LRBA: variants seen among roughly 807,000 people sequenced by gnomAD.
LRBA encodes the protein LPS responsive beige-like anchor protein, also known as lipopolysaccharide-responsive and beige-like anchor protein.
In LRBA, 176 loss-of-function variants were observed where a neutral mutation model predicts 330.0. That is an observed-to-expected ratio of 0.53 (90% CI 0.47 to 0.60). The LOEUF (loss-of-function observed/expected upper bound fraction) is 0.60. Among genes scored for constraint, LRBA ranks in the 20% least tolerant of loss-of-function variants. The pLI is 0.00. For synonymous variants in LRBA, 1,230 were observed against 1,193.0 expected (o/e 1.03, Z -0.64); for missense variants, 3,259 against 3,444.8 (o/e 0.95, Z 1.35).
intron 2 of LRBA, chr4:151,014,062 A>G: frequency 5.9e-6 from 1 of 169,228 alleles, no homozygotes; most frequent in Non-Finnish European, 1.3e-5. Context: ...GTCCAAAAAA[A>G]GGTCACAAGA....
intron 42 of LRBA, among the ~76,000 whole-genome samples, chr4:150,477,842 C>G (rs766712191): frequency 1.1e-4 from 17 of 152,032 alleles, no homozygotes; most frequent in Non-Finnish European, 2.4e-4. Context: ...TGTAAGTTTC[C>G]TGAAGCCTCT....
chr4:150,465,663 T>A (rs1472276024), intron 44 of LRBA, among the ~76,000 whole-genome samples: 1 of 152,174 alleles, frequency 6.6e-6, no homozygotes, highest in Admixed American at 6.6e-5. Context: ...TTTGGAGAAA[T>A]GTCTATCAGG....
intron 34 of LRBA, among the ~76,000 whole-genome samples, chr4:150,791,390 T>C (rs953162115): frequency 6.6e-6 from 1 of 152,238 alleles, no homozygotes; most frequent in Admixed American, 6.5e-5. Context: ...TTTAAAATTA[T>C]TATCTTATAT....
chr4:150,598,182 T>G (rs535253476), intron 38 of LRBA, among the ~76,000 whole-genome samples: 2 of 152,276 alleles, frequency 1.3e-5, no homozygotes, highest in African/African-American at 4.8e-5. Context: ...TTAAAAGTAC[T>G]TCTGACTTTA....
rs751444268 is a variant in LRBA at position 150,291,208 on chromosome 4, CA to C, written c.8018-5175del. On this transcript the variant is annotated intron_variant, in intron 53 of 56. Transcript: ENST00000651943. ...CACCAAAAGCAGTGGCAACAAAAGACAAAATTGACAAATGGGATCTAATTAA... is the reference window on the plus strand; with the variant it reads ...CACCAAAAGCAGTGGCAACAAAAGACAAATTGACAAATGGGATCTAATTAA... Among the ~76,000 whole-genome samples, 291 of 147,970 alleles carry C rather than the reference CA, an allele frequency of 2.0e-3. 1 individual carries two copies. Among genetic ancestry groups the C allele is most frequent in the Non-Finnish European group, 3.4e-3 (228 of 67,240 alleles).
At chr4:150,868,633 A>G (rs2126992298) in intron 20 of LRBA, among the ~76,000 whole-genome samples, 1 of 152,266 alleles carries the variant, frequency 6.6e-6, no homozygotes, top group Admixed American at 6.5e-5. Flanking sequence ...ACCAAATAGT[A>G]AAGTTGATCT....
At chr4:150,525,469 G>C (rs1265081928) in intron 40 of LRBA, among the ~76,000 whole-genome samples, 3 of 152,080 alleles carry the variant, frequency 2.0e-5, no homozygotes, top group Non-Finnish European at 4.4e-5. Context: ...CTGTGTGCTA[G>C]ATAAACGGCC....
At chr4:150,735,195 A>G in intron 36 of LRBA, 63 bp downstream of exon 36, 1 of 1,213,912 alleles carries the variant, frequency 8.2e-7, no homozygotes, top group East Asian at 2.3e-5. Flanking sequence ...TTACCGGGAC[A>G]ATTTCTCATG....
chr4:150,909,224 T>C (rs1015621246), intron 9 of LRBA, among the ~76,000 whole-genome samples: 1 of 152,184 alleles, frequency 6.6e-6, no homozygotes, highest in Admixed American at 6.5e-5. Context: ...ACAGCAAATC[T>C]CTAGAACTTT....
intron 2 of LRBA, among the ~76,000 whole-genome samples, chr4:151,011,214 A>G (rs565302099): frequency 6.6e-6 from 1 of 151,988 alleles, no homozygotes; most frequent in African/African-American, 2.4e-5. Flanking sequence ...AAAACTCTGG[A>G]AAGTTATATG....
intron 31 of LRBA, among the ~76,000 whole-genome samples, chr4:150,813,111 T>C (rs1257881495): frequency 6.6e-6 from 1 of 150,376 alleles, no homozygotes; most frequent in Non-Finnish European, 1.5e-5. Context: ...TGAGCTATGA[T>C]TGTGCCACTG....
chr4:150,332,226 T>C (rs1202857253), intron 48 of LRBA, among the ~76,000 whole-genome samples: 1 of 152,170 alleles, frequency 6.6e-6, no homozygotes, highest in African/African-American at 2.4e-5. Context: ...ATCAACATCA[T>C]ATTGCCTTTA....
At chr4:150,548,583 A>C (rs1383296632) in intron 40 of LRBA, among the ~76,000 whole-genome samples, 1 of 152,182 alleles carries the variant, frequency 6.6e-6, no homozygotes, top group East Asian at 1.9e-4. Flanking sequence ...TAAAATATAA[A>C]AATACATCAA....
intron 40 of LRBA, among the ~76,000 whole-genome samples, chr4:150,526,187 AAAG>A (rs1202985555): frequency 6.6e-5 from 10 of 152,204 alleles, no homozygotes; most frequent in Middle Eastern, 3.2e-3. Flanking sequence ...TACAGAGAAA[AAAG>A]AAAGGAAGAA....
In LRBA at chr4:150,321,243, G is replaced by C. The variant is rs1368836920; in HGVS notation, c.7578C>G (p.Ile2526Met). 1.9e-6 allele frequency: 3 copies of C among 1,611,122 alleles called. No individual in the cohort carries two copies. The highest frequency in any genetic ancestry group is 2.5e-6 in the Non-Finnish European group (3 of 1,179,150). ...TQPGLATPAV[I>M]TVTANRLFAV... ...CAAATAACCTGTTAGCAGTGACTGTGATCACAGCGGGAGTTGCCAAACCAG... is the reference window on the plus strand; with the variant it reads ...CAAATAACCTGTTAGCAGTGACTGTCATCACAGCGGGAGTTGCCAAACCAG... The change falls in exon 50 of 57, where the codon ATC becomes ATG. Residue 2526 changes from isoleucine (I) to methionine (M), a missense_variant. Transcript: ENST00000651943. The surrounding 1 kb of genome is among the most constrained non-coding windows in gnomAD (Gnocchi z 4.5).
At chr4:150,606,342 A>G (rs1490178867) in intron 37 of LRBA, among the ~76,000 whole-genome samples, 5 of 152,124 alleles carry the variant, frequency 3.3e-5, no homozygotes, top group African/African-American at 1.2e-4. Context: ...AAGAACCAGA[A>G]GCCTTAAAGC....
At chr4:150,612,486 G>C (rs1290763924) in intron 37 of LRBA, among the ~76,000 whole-genome samples, 1 of 152,188 alleles carries the variant, frequency 6.6e-6, no homozygotes, top group Admixed American at 6.5e-5. Flanking sequence ...TTTTAAGACA[G>C]TTGGAAGCCG....
chr4:150,692,953 G>A (rs193107565), intron 36 of LRBA, among the ~76,000 whole-genome samples: 58 of 152,158 alleles, frequency 3.8e-4, no homozygotes, highest in Non-Finnish European at 7.4e-5. Flanking sequence ...AAGGATGTAC[G>A]CCAGACATAT....
chr4:150,657,850 CTTTT>C (rs1209349042), intron 37 of LRBA, among the ~76,000 whole-genome samples: 1 of 151,876 alleles, frequency 6.6e-6, no homozygotes, highest in Non-Finnish European at 1.5e-5. Context: ...TAACAGTTTG[CTTTT>C]TTTAAGTTAT....
Sources: gnomAD v4.1 joint callset for allele counts (sites outside exome capture counted in the v4.1 genomes callset) on GRCh38, gnomAD v4.1.1 for gene constraint, Gnocchi (gnomAD v3.1) non-coding constraint, MANE v1.5 for transcripts, NCBI Gene and HGNC (gene_info 2026-07-23, HGNC 2026-07-21) for gene names.